CMIP: variants seen among roughly 807,000 people sequenced by gnomAD.
CMIP encodes the protein C-Maf-inducing protein.
CMIP carries 13 observed loss-of-function variants against 97.3 expected under a neutral mutation model. That is an observed-to-expected ratio of 0.13 (90% CI 0.09 to 0.21). CMIP has a LOEUF of 0.21. Ranked by LOEUF, CMIP falls within the 10% of genes least tolerant of loss-of-function variation. The pLI, the probability that CMIP is intolerant of heterozygous loss-of-function variation, is 1.00. For missense variants in CMIP, 847 were observed against 1,024.9 expected, an observed-to-expected ratio of 0.83 and a Z score of 2.37; for synonymous variants, 538 against 436.3, an observed-to-expected ratio of 1.23 and a Z score of -2.91.
intron 3 of CMIP, among the ~76,000 whole-genome samples, chr16:81,641,873 C>A (rs985491268): frequency 6.6e-6 from 1 of 152,178 alleles, no homozygotes; most frequent in Non-Finnish European, 1.5e-5. Context: ...GTTTGCCTCT[C>A]GGAGTGGCAT....
At chr16:81,539,393 G>C (rs2090406682) in intron 1 of CMIP, among the ~76,000 whole-genome samples, 1 of 152,178 alleles carries the variant, frequency 6.6e-6, no homozygotes, top group Non-Finnish European at 1.5e-5. Context: ...ACCAATGTCT[G>C]CAGGCCCTGC....
chr16:81,547,712 C>T (rs1171185294), intron 1 of CMIP, among the ~76,000 whole-genome samples: 1 of 152,120 alleles, frequency 6.6e-6, no homozygotes, highest in Non-Finnish European at 1.5e-5. Flanking sequence ...GAAAACACTT[C>T]AGGAAATGGC....
At chr16:81,546,948 A>G (rs901149963) in intron 1 of CMIP, among the ~76,000 whole-genome samples, 1 of 152,168 alleles carries the variant, frequency 6.6e-6, no homozygotes, top group Non-Finnish European at 1.5e-5. Flanking sequence ...CATTCCCTGC[A>G]TCGCGAGAGC....
intron 1 of CMIP, among the ~76,000 whole-genome samples, chr16:81,469,072 C>T (rs1907374132): frequency 6.6e-6 from 1 of 152,232 alleles, no homozygotes; most frequent in Non-Finnish European, 1.5e-5. Flanking sequence ...GCCCAAGAAC[C>T]TGGCAATGGC....
At chr16:81,472,440 C>T (rs1322985951) in intron 1 of CMIP, among the ~76,000 whole-genome samples, 1 of 152,202 alleles carries the variant, frequency 6.6e-6, no homozygotes, top group African/African-American at 2.4e-5. Flanking sequence ...TGGCGTGCCC[C>T]ATGCGTGGAG....
chr16:81,492,862 G>C (rs921380445), intron 1 of CMIP, among the ~76,000 whole-genome samples: 1 of 151,926 alleles, frequency 6.6e-6, no homozygotes, highest in Non-Finnish European at 1.5e-5. Context: ...GTTACGGGGA[G>C]CTGTGTGGGG....
In CMIP at chr16:81,676,346, C is replaced by G. The variant is rs377406204; in HGVS notation, c.1035-1929C>G. ...CCAGTCCCTTCAAGATAAAGTCCGT[C>G]ATGTCCTCCAGGCCGTCCCCAGTGC... On this transcript the variant is annotated intron_variant, in intron 9 of 20. Coordinates refer to ENST00000537098, the MANE Select transcript of CMIP (RefSeq NM_198390.3). 1.2e-4 allele frequency among the ~76,000 whole-genome samples: 18 copies of G among 151,840 alleles called. No homozygotes were observed. In the East Asian group the frequency reaches 3.3e-3, roughly 28 times the overall value.
At position 81,709,741 on chromosome 16, in the gene CMIP, C is replaced by T. The variant is rs770611067; in HGVS notation, c.2269-5C>T. ...CGTGACAAGGACTCTTATTGCCACC[C>T]CCAGGCCAAGCTTCCCAATTTGAAG... is the stretch of plus-strand genomic sequence containing the variant. On this transcript the variant is annotated splice_region_variant and splice_polypyrimidine_tract_variant and intron_variant, in intron 20 of 20. Coordinates refer to ENST00000537098, the MANE Select transcript of CMIP (RefSeq NM_198390.3). 1.2e-6 allele frequency: 2 copies of T among 1,613,794 alleles called. No individual in the cohort carries two copies. The highest frequency in any genetic ancestry group is 2.2e-5 in the South Asian group (2 of 91,060).
chr16:81,472,459 C>T (rs1158320764), intron 1 of CMIP, among the ~76,000 whole-genome samples: 1 of 152,166 alleles, frequency 6.6e-6, no homozygotes, highest in Non-Finnish European at 1.5e-5. Flanking sequence ...AGGAGTGGCC[C>T]ATCTCCCCAG....
At chr16:81,648,378 A>G (rs2092389565) in intron 3 of CMIP, among the ~76,000 whole-genome samples, 1 of 151,942 alleles carries the variant, frequency 6.6e-6, no homozygotes, top group Admixed American at 6.5e-5. Context: ...CCACCCCCTC[A>G]GCATCGCGTG....
chr16:81,521,178 C>T (rs777582152), intron 1 of CMIP, among the ~76,000 whole-genome samples: 15 of 152,184 alleles, frequency 9.9e-5, no homozygotes, highest in Non-Finnish European at 1.3e-4. Flanking sequence ...GCCCGGTCGC[C>T]GTGACTGTGG....
intron 1 of CMIP, among the ~76,000 whole-genome samples, chr16:81,535,375 C>T (rs906872349): frequency 2.6e-5 from 4 of 151,986 alleles, no homozygotes; most frequent in Non-Finnish European, 4.4e-5. Context: ...CATAAAATTC[C>T]AGTGTATTTA....
rs144756298 is a variant in CMIP, at chr16:81,661,852, A to G, written c.744+906A>G. 5.0e-3 allele frequency among the ~76,000 whole-genome samples: 758 copies of G among 152,030 alleles called. 5 individuals carry two copies. Among genetic ancestry groups the G allele is most frequent in the Non-Finnish European group, 7.5e-3 (509 of 67,980 alleles). ...TTGTCCTCCTGGAGTCTGCCTCCCT[A>G]TCAGGATTCCTTTTCTACCAATCCA... is the stretch of plus-strand genomic sequence containing the variant. On this transcript the variant is annotated intron_variant, in intron 6 of 20. Transcript: ENST00000537098.
At chr16:81,476,202 G>C (rs1907905972) in intron 1 of CMIP, 1 of 1,328,652 alleles carries the variant, frequency 7.5e-7, no homozygotes, top group Non-Finnish European at 1.1e-6. Flanking sequence ...AACCGTTTGT[G>C]TTGGGTCCAG....
chr16:81,492,620 G>C (rs936072029), intron 1 of CMIP, among the ~76,000 whole-genome samples: 2 of 152,146 alleles, frequency 1.3e-5, no homozygotes, highest in African/African-American at 2.4e-5. Flanking sequence ...GCAGGCCCTC[G>C]AGAGGGCCTG....
intron 5 of CMIP, among the ~76,000 whole-genome samples, chr16:81,660,382 C>T (rs922967466): frequency 6.6e-6 from 1 of 151,902 alleles, no homozygotes; most frequent in African/African-American, 2.4e-5. Flanking sequence ...AAGTGATTCT[C>T]CTGCCTCAGC....
chr16:81,538,844 G>C (rs575662957), intron 1 of CMIP, among the ~76,000 whole-genome samples: 119 of 152,164 alleles, frequency 7.8e-4, no homozygotes, highest in African/African-American at 2.7e-3. Flanking sequence ...CAGGCAAGTT[G>C]ATTCTAAGGT....
intron 1 of CMIP, among the ~76,000 whole-genome samples, chr16:81,538,184 G>A (rs2090382223): frequency 6.6e-6 from 1 of 152,214 alleles, no homozygotes; most frequent in Non-Finnish European, 1.5e-5. Flanking sequence ...TTAGGGAAGT[G>A]GTAGGGAGTC....
intron 9 of CMIP, 58 bp from the exon 10 acceptor site, chr16:81,678,217 C>A: frequency 7.5e-7 from 1 of 1,329,612 alleles, no homozygotes; most frequent in South Asian, 1.4e-5. Flanking sequence ...TCTGATGGGT[C>A]ATGGTGCATC....
Sources: allele counts gnomAD v4.1 joint callset (sites outside exome capture counted in the v4.1 genomes callset), GRCh38; gene constraint gnomAD v4.1.1; transcripts MANE v1.5; gene names NCBI Gene and HGNC (gene_info 2026-07-23, HGNC 2026-07-21).